Variants in AGBL4 observed in about 807,000 individuals in gnomAD.
The protein encoded by AGBL4 is AGBL carboxypeptidase 4.
AGBL4 carries 58 observed loss-of-function variants against 66.4 expected under a neutral mutation model. That is an observed-to-expected ratio of 0.87 (90% confidence interval 0.71 to 1.09). The LOEUF (loss-of-function observed/expected upper bound fraction) is 1.09. AGBL4 is among the 50% of genes least tolerant of loss of function. The pLI is 0.00. For missense variants in AGBL4, 579 were observed against 631.0 expected, an observed-to-expected ratio of 0.92 and a Z score of 0.88; for synonymous variants, 234 against 222.9, an observed-to-expected ratio of 1.05 and a Z score of -0.44.
intron 3 of AGBL4, among the ~76,000 whole-genome samples, chr1:49,512,355 A>C (rs561895754): frequency 1.3e-5 from 2 of 151,990 alleles, no homozygotes; most frequent in Non-Finnish European, 2.9e-5. Context: ...TGAAATATTA[A>C]TACTTGCCTC....
chr1:48,943,956 G>T (rs1656234999), intron 5 of AGBL4, among the ~76,000 whole-genome samples: 1 of 152,154 alleles, frequency 6.6e-6, no homozygotes, highest in Non-Finnish European at 1.5e-5. Flanking sequence ...ACAATAGCAT[G>T]CCAGGGCTAG....
intron 1 of AGBL4, among the ~76,000 whole-genome samples, chr1:49,878,618 G>GA (rs1011216675): frequency 9.2e-5 from 14 of 152,034 alleles, no homozygotes; most frequent in Admixed American, 3.3e-4. Context: ...GTGTGCTGCT[G>GA]AAAAAAATGT....
At chr1:48,702,776 C>A (rs770227891) in intron 6 of AGBL4, among the ~76,000 whole-genome samples, 3 of 152,150 alleles carry the variant, frequency 2.0e-5, no homozygotes, top group Non-Finnish European at 2.9e-5. Context: ...CTTTTAGGTA[C>A]TATTCTGGGC....
intron 1 of AGBL4, among the ~76,000 whole-genome samples, chr1:49,922,259 C>T (rs1323986361): frequency 2.2e-4 from 34 of 151,968 alleles, no homozygotes; most frequent in East Asian, 7.7e-4. Flanking sequence ...AATATTTTGT[C>T]GAGGATTTTT....
intron 3 of AGBL4, among the ~76,000 whole-genome samples, chr1:49,610,988 A>C (rs753086560): frequency 6.6e-6 from 1 of 152,212 alleles, no homozygotes; most frequent in Admixed American, 6.5e-5. Context: ...ACCAGGGATA[A>C]GGAAGTACTG....
intron 2 of AGBL4, among the ~76,000 whole-genome samples, chr1:49,705,593 G>C (rs1444177327): frequency 6.6e-6 from 1 of 152,200 alleles, no homozygotes; most frequent in East Asian, 1.9e-4. Context: ...CAGGAGTGGT[G>C]AGAGAAGGCA....
chr1:49,765,618 A>G (rs1274477904), intron 2 of AGBL4, among the ~76,000 whole-genome samples: 1 of 152,138 alleles, frequency 6.6e-6, no homozygotes, highest in Non-Finnish European at 1.5e-5. Context: ...AAACTAATAA[A>G]TGACATATAA....
At chr1:49,469,159 TTAAG>T (rs1646689569) in intron 3 of AGBL4, among the ~76,000 whole-genome samples, 1 of 151,902 alleles carries the variant, frequency 6.6e-6, no homozygotes, top group East Asian at 1.9e-4. Context: ...GTTAGTATAC[TTAAG>T]TGTTTATGCT....
intron 5 of AGBL4, among the ~76,000 whole-genome samples, chr1:48,868,460 G>A (rs1373807978): frequency 6.6e-6 from 1 of 152,166 alleles, no homozygotes. Flanking sequence ...ATGATATTTA[G>A]AGGGGAGAAA....
intron 6 of AGBL4, among the ~76,000 whole-genome samples, chr1:48,781,372 A>G (rs564555664): frequency 6.6e-6 from 1 of 152,238 alleles, no homozygotes; most frequent in Non-Finnish European, 1.5e-5. Flanking sequence ...CTATGGATAC[A>G]GCTTAATGGA....
At chr1:49,656,376 C>T (rs376825037) in intron 3 of AGBL4, among the ~76,000 whole-genome samples, 5 of 152,082 alleles carry the variant, frequency 3.3e-5, no homozygotes, top group Non-Finnish European at 7.4e-5. Flanking sequence ...AGCTTACCAA[C>T]CAAAAAAACT....
At chr1:48,854,880 G>A (rs1032027240) in intron 6 of AGBL4, among the ~76,000 whole-genome samples, 4 of 152,146 alleles carry the variant, frequency 2.6e-5, no homozygotes, top group African/African-American at 9.7e-5. Flanking sequence ...GCCTGAGAAT[G>A]GTGTTAATAC....
chr1:48,858,576 A>G lies in AGBL4; in HGVS notation c.634+8615T>C, dbSNP rs137868480. Among the ~76,000 whole-genome samples the G allele has an allele frequency of 5.8e-3, 889 of 152,374 alleles. 12 individuals carry two copies. Among genetic ancestry groups the G allele is most frequent in the Middle Eastern group, 0.017 (5 of 294 alleles). Reference sequence around the variant, plus strand: ...GTGGTAAGTGAAAAAAGCCAGTCACAATAGGCCATATATGGTATGATTTGA... The same window carrying G: ...GTGGTAAGTGAAAAAAGCCAGTCACGATAGGCCATATATGGTATGATTTGA... On this transcript the variant is annotated intron_variant, in intron 6 of 13. Transcript: ENST00000371839.
chr1:49,845,196 C>G, intron 2 of AGBL4: 1 of 1,446,924 alleles, frequency 6.9e-7, no homozygotes. Context: ...TCCGAAACAG[C>G]TCGGCACTTA....
chr1:49,216,331 G>A (rs1010280164), intron 4 of AGBL4, among the ~76,000 whole-genome samples: 1 of 152,106 alleles, frequency 6.6e-6, no homozygotes, highest in Non-Finnish European at 1.5e-5. Context: ...GTATGCTAAG[G>A]TTTGGGATAT....
intron 11 of AGBL4, among the ~76,000 whole-genome samples, chr1:48,547,673 T>G (rs1008582939): frequency 1.1e-4 from 17 of 152,200 alleles, no homozygotes; most frequent in Non-Finnish European, 1.3e-4. Context: ...TCTTGCTGAC[T>G]GTGCAGTGTG....
At chr1:49,387,548 C>A (rs1418347641) in intron 3 of AGBL4, among the ~76,000 whole-genome samples, 1 of 151,772 alleles carries the variant, frequency 6.6e-6, no homozygotes, top group Non-Finnish European at 1.5e-5. Flanking sequence ...AAGTAATGAA[C>A]TAATAGATAC....
chr1:48,956,609 T>C (rs1657467243), intron 5 of AGBL4, among the ~76,000 whole-genome samples: 1 of 152,324 alleles, frequency 6.6e-6, no homozygotes, highest in Non-Finnish European at 1.5e-5. Flanking sequence ...AAGAGGTTTG[T>C]AATCATTCCT....
At chr1:48,809,544 C>T (rs931693959) in intron 6 of AGBL4, among the ~76,000 whole-genome samples, 3 of 152,164 alleles carry the variant, frequency 2.0e-5, no homozygotes, top group Non-Finnish European at 4.4e-5. Flanking sequence ...AGCTTACATA[C>T]AATGCCACTT....
Sources: gnomAD v4.1 joint callset for allele counts (sites outside exome capture counted in the v4.1 genomes callset) on GRCh38, gnomAD v4.1.1 for gene constraint, MANE v1.5 for transcripts, NCBI Gene and HGNC (gene_info 2026-07-23, HGNC 2026-07-21) for gene names.